Variants in SPOCK1 observed in about 807,000 individuals in gnomAD.
SPOCK1 encodes testican-1.
In SPOCK1, 23 loss-of-function variants were observed where a neutral mutation model predicts 55.3. That is an observed-to-expected ratio of 0.42 (90% CI 0.30 to 0.59). The LOEUF (loss-of-function observed/expected upper bound fraction) is 0.59, where lower values mean the gene tolerates loss of function less well. Among genes scored for constraint, SPOCK1 ranks in the 20% least tolerant of loss-of-function variants. SPOCK1 has a pLI of 0.22. For synonymous variants in SPOCK1, 226 were observed against 221.0 expected, an observed-to-expected ratio of 1.02 and a Z score of -0.20; for missense variants, 499 against 552.5, an observed-to-expected ratio of 0.90 and a Z score of 0.97.
At chr5:137,046,368 G>T (rs1368778453) in intron 6 of SPOCK1, among the ~76,000 whole-genome samples, 1 of 149,412 alleles carries the variant, frequency 6.7e-6, no homozygotes, top group Non-Finnish European at 1.5e-5. Context: ...CACATCCCTT[G>T]TAAGTTGGAT....
In SPOCK1 at chr5:137,485,671, T is replaced by C. The variant is rs143791118; in HGVS notation, c.186+12702A>G. Among the ~76,000 whole-genome samples the C allele has an allele frequency of 3.0e-3, 457 of 151,956 alleles. 1 individual carries two copies. The highest frequency in any genetic ancestry group is 0.01 in the African/African-American group (426 of 41,400). On this transcript the variant is annotated intron_variant, in intron 2 of 10. Transcript: ENST00000394945. ...GGAAACTAACTGCCCTTCAACAATA[T>C]AACAGGTAAATAAATTGTGGAATAT...
chr5:137,006,295 C>T (rs1300396328), intron 6 of SPOCK1, among the ~76,000 whole-genome samples: 6 of 152,134 alleles, frequency 3.9e-5, no homozygotes, highest in East Asian at 1.9e-4. Context: ...TTACTTTGGG[C>T]GGTATGGCCA....
chr5:137,236,258 G>T (rs931698315), intron 3 of SPOCK1, among the ~76,000 whole-genome samples: 1 of 152,230 alleles, frequency 6.6e-6, no homozygotes, highest in African/African-American at 2.4e-5. Context: ...TGGGGCAGTG[G>T]TTTGCAGTGA....
chr5:137,418,767 T>C (rs929313717), intron 2 of SPOCK1, among the ~76,000 whole-genome samples: 1 of 152,218 alleles, frequency 6.6e-6, no homozygotes. Context: ...TTCACTCTGA[T>C]GGTAGTTAAT....
intron 2 of SPOCK1, among the ~76,000 whole-genome samples, chr5:137,461,374 T>G (rs1244375522): frequency 6.6e-6 from 1 of 152,202 alleles, no homozygotes; most frequent in Non-Finnish European, 1.5e-5. Context: ...GTATTGTGTA[T>G]GCTCACATCA....
chr5:137,050,476 G>C (rs950084387), intron 6 of SPOCK1, among the ~76,000 whole-genome samples: 20 of 150,882 alleles, frequency 1.3e-4, no homozygotes, highest in African/African-American at 4.6e-4. Flanking sequence ...CCCAGGTGAG[G>C]CAATGCCTCG....
Position 137,046,360 on chromosome 5 carries a change from C to T in SPOCK1, c.589+21355G>A, listed in dbSNP as rs968750380. Among the ~76,000 whole-genome samples, 180 of 148,548 alleles carry T rather than the reference C, an allele frequency of 1.2e-3. 1 individual carries two copies. The highest frequency in any genetic ancestry group is 4.2e-3 in the African/African-American group (169 of 40,530). ...TAGTTCTCCTTGAAGAGGTCCTTCA[C>T]ATCCCTTGTAAGTTGGATTCCTAAG... On this transcript the variant is annotated intron_variant, in intron 6 of 10. Transcript: ENST00000394945.
At chr5:137,360,783 C>T (rs1750924592) in intron 2 of SPOCK1, among the ~76,000 whole-genome samples, 1 of 152,216 alleles carries the variant, frequency 6.6e-6, no homozygotes, top group Admixed American at 6.5e-5. Flanking sequence ...CTCAAACTTC[C>T]TCCAAAGAGA....
intron 3 of SPOCK1, among the ~76,000 whole-genome samples, chr5:137,258,446 A>T (rs1406114832): frequency 2.0e-5 from 3 of 152,240 alleles, no homozygotes; most frequent in Non-Finnish European, 4.4e-5. Context: ...TGATGCCTGC[A>T]GGTTTTTCTC....
intron 3 of SPOCK1, among the ~76,000 whole-genome samples, chr5:137,147,274 A>T (rs1004113551): frequency 2.6e-5 from 4 of 152,222 alleles, no homozygotes; most frequent in Non-Finnish European, 5.9e-5. Context: ...AAGGGAAAAA[A>T]GAAACATCCT....
chr5:137,484,880 A>G (rs570064777), intron 2 of SPOCK1, among the ~76,000 whole-genome samples: 2 of 152,342 alleles, frequency 1.3e-5, no homozygotes, highest in Admixed American at 1.3e-4. Flanking sequence ...TACAAAGAAT[A>G]GCACCTTACT....
At chr5:137,323,080 C>T (rs569098598) in intron 2 of SPOCK1, among the ~76,000 whole-genome samples, 7 of 152,262 alleles carry the variant, frequency 4.6e-5, no homozygotes, top group African/African-American at 1.7e-4. Context: ...TCATTAGGCC[C>T]CACCTCCAAA....
intron 5 of SPOCK1, among the ~76,000 whole-genome samples, 167 bp downstream of exon 5, chr5:137,112,268 T>C (rs971239027): frequency 1.3e-5 from 2 of 152,222 alleles, no homozygotes. Flanking sequence ...TTTATTTTGC[T>C]TGTCTCCATG....
intron 2 of SPOCK1, among the ~76,000 whole-genome samples, chr5:137,444,687 C>T (rs1022828431): frequency 3.3e-5 from 5 of 152,196 alleles, no homozygotes; most frequent in Admixed American, 3.3e-4. Context: ...TTCACTTCTC[C>T]CCAGAGGAGA....
intron 3 of SPOCK1, among the ~76,000 whole-genome samples, chr5:137,176,977 T>C (rs1754865859): frequency 6.6e-6 from 1 of 152,170 alleles, no homozygotes; most frequent in Admixed American, 6.5e-5. Context: ...ATTTGCTTTC[T>C]TTTTTTGAAA....
intron 2 of SPOCK1, among the ~76,000 whole-genome samples, chr5:137,464,793 T>C (rs1753566451): frequency 6.6e-6 from 1 of 152,096 alleles, no homozygotes; most frequent in African/African-American, 2.4e-5. Context: ...AACGAGTGTG[T>C]CTTGAACCTA....
In SPOCK1 at chr5:137,445,303, T is replaced by G. The variant is rs1429432021; in HGVS notation, c.186+53070A>C. On this transcript the variant is annotated intron_variant, in intron 2 of 10. Transcript: ENST00000394945. ...GAAACTGGGTGTGGCTAATTCTAAC[T>G]GGTTACAAAATGCTATTCACATTGC... is the stretch of plus-strand genomic sequence containing the variant. 2.0e-5 allele frequency among the ~76,000 whole-genome samples: 3 copies of G among 152,216 alleles called. No homozygotes were observed. In the East Asian group the frequency reaches 5.8e-4, roughly 29 times the overall value.
intron 2 of SPOCK1, among the ~76,000 whole-genome samples, chr5:137,474,484 A>G (rs1393575257): frequency 6.6e-6 from 1 of 152,184 alleles, no homozygotes; most frequent in African/African-American, 2.4e-5. Flanking sequence ...CTGTGCATTT[A>G]AAGTGGCTCA....
intron 5 of SPOCK1, among the ~76,000 whole-genome samples, chr5:137,087,518 T>C (rs1314262416): frequency 6.6e-6 from 1 of 152,218 alleles, no homozygotes; most frequent in Non-Finnish European, 1.5e-5. Flanking sequence ...CATCAAGTTC[T>C]TCACTAAAAG....
Sources: gnomAD v4.1 joint callset for allele counts (sites outside exome capture counted in the v4.1 genomes callset) on GRCh38, gnomAD v4.1.1 for gene constraint, MANE v1.5 for transcripts, NCBI Gene and HGNC (gene_info 2026-07-23, HGNC 2026-07-21) for gene names.